CCT6A: variants seen among roughly 807,000 people sequenced by gnomAD.
The protein encoded by CCT6A is chaperonin containing TCP1 subunit 6A.
A neutral mutation model predicts 58.6 loss-of-function variants in CCT6A; 6 were observed. That is an observed-to-expected ratio of 0.10 (90% CI 0.06 to 0.20). The LOEUF is 0.20. Ranked by LOEUF, CCT6A falls within the 10% of genes least tolerant of loss-of-function variation. The pLI is 1.00. For synonymous variants in CCT6A, 245 were observed against 227.8 expected, an observed-to-expected ratio of 1.08 and a Z score of -0.68; for missense variants, 516 against 648.8, an observed-to-expected ratio of 0.80 and a Z score of 2.22.
intron 1 of CCT6A, 72 bp downstream of exon 1, chr7:56,052,057 C>T: frequency 4.0e-6 from 5 of 1,249,416 alleles, no homozygotes. Flanking sequence ...CCCGGGACCG[C>T]GGACTGGAGC....
intron 7 of CCT6A, 45 bp downstream of exon 7, chr7:56,058,566 CCTTTTTA>C: frequency 6.4e-7 from 1 of 1,571,648 alleles, no homozygotes; most frequent in Non-Finnish European, 8.7e-7. Context: ...TACGTATCAT[CCTTTTTA>C]CTTTTAAGGT....
intron 6 of CCT6A, 62 bp downstream of exon 6, chr7:56,058,165 T>A: frequency 2.9e-6 from 3 of 1,043,952 alleles, no homozygotes; most frequent in Non-Finnish European, 4.4e-6. Context: ...GAGTTACTTT[T>A]TTGTGAAACT....
chr7:56,057,234 GAAC>G (rs1794328213), intron 5 of CCT6A, among the ~76,000 whole-genome samples: 2 of 152,288 alleles, frequency 1.3e-5, no homozygotes, highest in Admixed American at 6.5e-5. Context: ...TCTGAAAAGT[GAAC>G]AACATCAGTC....
In CCT6A at chr7:56,060,832, C is replaced by T. The variant is rs145849014; in HGVS notation, c.1239C>T (p.Ala413=). The change falls in exon 11 of 14, where the codon GCC becomes GCT. Residue 413 remains alanine, a synonymous_variant. Coordinates refer to ENST00000275603, the MANE Select transcript of CCT6A (RefSeq NM_001762.4). ...GCTGTGTGGTTCCAGGTGCTGGTGC[C>T]GTGGAAGTGGCAATGGCAGAAGCCC... is the stretch of plus-strand genomic sequence containing the variant. ...DDGCVVPGAG[A]VEVAMAEALI... is the part of the protein sequence containing the mutation. 1.3e-3 allele frequency: 2,135 copies of T among 1,612,468 alleles called. 4 individuals carry two copies. Among genetic ancestry groups the T allele is most frequent in the Middle Eastern group, 3.7e-3 (19 of 5,200 alleles).
At chr7:56,057,372 G>A (rs1467662207) in intron 5 of CCT6A, among the ~76,000 whole-genome samples, 1 of 151,942 alleles carries the variant, frequency 6.6e-6, no homozygotes, top group Non-Finnish European at 1.5e-5. Flanking sequence ...GTGTGTGTGT[G>A]TGTGTGTCTG....
intron 11 of CCT6A, among the ~76,000 whole-genome samples, chr7:56,061,218 A>G (rs13240361): frequency 0.018 from 2,738 of 152,238 alleles, 54 homozygotes; most frequent in Admixed American, 0.048. Flanking sequence ...TTTTGTTTTA[A>G]ACTGATATCA....
chr7:56,052,178 C>T lies in CCT6A; in HGVS notation c.137+193C>T, dbSNP rs537185029. Among the ~76,000 whole-genome samples, 1,183 of 152,330 alleles carry T rather than the reference C, an allele frequency of 7.8e-3. 19 individuals are homozygous for T. The highest frequency in any genetic ancestry group is 0.027 in the African/African-American group (1,110 of 41,584). ...ATTTCTTCCCGCATCGATGCAGTCTCCGCGGAGAACAAAGCGGCTCTAGAG... is the reference window on the plus strand; with the variant it reads ...ATTTCTTCCCGCATCGATGCAGTCTTCGCGGAGAACAAAGCGGCTCTAGAG... On this transcript the variant is annotated intron_variant, in intron 1 of 13. Transcript: ENST00000275603.
intron 2 of CCT6A, among the ~76,000 whole-genome samples, chr7:56,054,021 A>T (rs1185642683): frequency 6.7e-6 from 1 of 148,324 alleles, no homozygotes; most frequent in Non-Finnish European, 1.5e-5. Context: ...CCTTTAGGAG[A>T]TACCTGGCTT....
chr7:56,062,888 G>A (rs1458006015), intron 13 of CCT6A, 125 bp from the exon 14 acceptor site: 4 of 1,117,892 alleles, frequency 3.6e-6, no homozygotes. Flanking sequence ...CTAGCCCTCT[G>A]ATGTGTAGAG....
In CCT6A at chr7:56,063,099, C is replaced by T. The variant is rs749284048; in HGVS notation, c.*14C>T. ...CTGAAAGGTTGAATTGAAGCTTCCT[C>T]TGTATCTGAATCTTGAAGACTGCAA... On this transcript the variant is annotated 3_prime_UTR_variant, in exon 14 of 14. Transcript: ENST00000275603. 2.6e-6 allele frequency: 4 copies of T among 1,556,992 alleles called. No individual in the cohort carries two copies. The Admixed American group carries it at 5.0e-5, about 19-fold the overall frequency.
chr7:56,056,765 AT>A (rs567874744), intron 5 of CCT6A, among the ~76,000 whole-genome samples: 1 of 151,244 alleles, frequency 6.6e-6, no homozygotes, highest in Non-Finnish European at 1.5e-5. Flanking sequence ...GTGTTTAGAA[AT>A]TTAGGGGTGC....
intron 11 of CCT6A, 51 bp downstream of exon 11, chr7:56,060,991 C>G: frequency 1.3e-6 from 2 of 1,541,816 alleles, no homozygotes; most frequent in South Asian, 2.5e-5. Context: ...CTGATCAAAC[C>G]TTTCTGATAA....
chr7:56,058,348 T>C lies in CCT6A; in HGVS notation c.726-14T>C, dbSNP rs1319777726. ...TGTTTCCCTGCTTTCTGTAACTTTT[T>C]TTTTTCTTAATAGAGAAGTGAATTC... On this transcript the variant is annotated splice_polypyrimidine_tract_variant and intron_variant, in intron 6 of 13. Transcript: ENST00000275603. 12 of 1,550,332 alleles carry C rather than the reference T, an allele frequency of 7.7e-6. No homozygotes were observed. Among genetic ancestry groups the C allele is most frequent in the Non-Finnish European group, 9.5e-6 (11 of 1,153,142 alleles).
chr7:56,061,668 C>CTTTTTTTTTTTTTT (rs71015174), intron 11 of CCT6A, 79 bp from the exon 12 acceptor site: 89 of 312,646 alleles, frequency 2.8e-4, no homozygotes, highest in African/African-American at 1.1e-3. Flanking sequence ...TTTCTTTTTT[C>CTTTTTTTTTTTTTT]TTTTTTTTTT....
intron 9 of CCT6A, 24 bp downstream of exon 9, chr7:56,059,664 GT>G (rs1471431711): frequency 9.0e-7 from 1 of 1,116,112 alleles, no homozygotes; most frequent in Admixed American, 1.7e-5. Context: ...TTTCTTAAAG[GT>G]AATAGAACCT....
chr7:56,058,297 TC>T, intron 6 of CCT6A, 64 bp from the exon 7 acceptor site: 1 of 1,221,150 alleles, frequency 8.2e-7, no homozygotes, highest in Non-Finnish European at 1.1e-6. Flanking sequence ...TTAGGACTAA[TC>T]CAGTTTCAGA....
In CCT6A at chr7:56,063,252, G is replaced by A; in HGVS notation, c.*167G>A. 3.3e-6 allele frequency: 2 copies of A among 614,562 alleles called. No homozygotes were observed. The highest frequency in any genetic ancestry group is 5.8e-6 in the Non-Finnish European group (2 of 347,122). 38.1% of individuals were successfully genotyped at this position (614,562 alleles called of 1,614,324 possible). On this transcript the variant is annotated 3_prime_UTR_variant, in exon 14 of 14. Transcript: ENST00000275603. The stretch of plus-strand genomic sequence containing the variant: ...GAAATTTGGAAGTTCTGAAATTATA[G>A]TATTTTTAAAAATTGCACTGAAGTG...
chr7:56,056,880 T>TCTGCCTCCCGGGTTCACACCATTCTC (rs1794320605), intron 5 of CCT6A, among the ~76,000 whole-genome samples: 1 of 150,292 alleles, frequency 6.7e-6, no homozygotes, highest in Non-Finnish European at 1.5e-5. Flanking sequence ...CACTGCAAGC[T>TCTGCCTCCCGGGTTCACACCATTCTC]CTGCCTCCCG....
chr7:56,056,725 T>C lies in CCT6A; in HGVS notation c.614+311T>C, dbSNP rs182533972. 1.8e-3 allele frequency among the ~76,000 whole-genome samples: 262 copies of C among 142,130 alleles called. 1 individual carries two copies. The highest frequency in any genetic ancestry group is 6.0e-3 in the African/African-American group (232 of 38,792). The allele number at this position is 142,130 out of a possible 152,430, so 93.2% of individuals were successfully genotyped here. A position where few individuals can be genotyped will look rare whatever the true frequency, so the allele number is the denominator to read the frequency against. Reference sequence around the variant, plus strand: ...TGACAAGAGCGAAACCCCGTCCCATTAAAAAAAAAACAAAAACAAAAAATA... The same window carrying C: ...TGACAAGAGCGAAACCCCGTCCCATCAAAAAAAAAACAAAAACAAAAAATA... On this transcript the variant is annotated intron_variant, in intron 5 of 13. Coordinates refer to ENST00000275603, the MANE Select transcript of CCT6A (RefSeq NM_001762.4).
Sources: allele counts gnomAD v4.1 joint callset (sites outside exome capture counted in the v4.1 genomes callset), GRCh38; gene constraint gnomAD v4.1.1; transcripts MANE v1.5; gene names NCBI Gene and HGNC (gene_info 2026-07-23, HGNC 2026-07-21).